STOML3: variants seen among roughly 807,000 people sequenced by gnomAD.
The protein encoded by STOML3 is stomatin-like protein 3.
STOML3 carries 31 observed loss-of-function variants against 29.5 expected under a neutral mutation model. The ratio of observed to expected loss-of-function variants is 1.05; its 90% CI spans 0.79 to 1.42. The LOEUF is 1.42. Among genes scored for constraint, STOML3 ranks in the 40% most tolerant of loss-of-function variants. The pLI is 0.00. For synonymous variants in STOML3, 122 were observed against 139.8 expected, an observed-to-expected ratio of 0.87 and a Z score of 0.90; for missense variants, 380 against 363.0, an observed-to-expected ratio of 1.05 and a Z score of -0.38.
Position 38,966,730 on chromosome 13 carries a change from G to A in STOML3, c.*95C>T, listed in dbSNP as rs908281619. 10 of 1,009,908 alleles carry A rather than the reference G, an allele frequency of 9.9e-6. No homozygotes were observed. Among genetic ancestry groups the A allele is most frequent in the Non-Finnish European group, 1.4e-5 (9 of 658,180 alleles). 62.6% of individuals were successfully genotyped at this position (1,009,908 alleles called of 1,614,324 possible). On this transcript the variant is annotated 3_prime_UTR_variant, in exon 7 of 7. Coordinates refer to ENST00000379631, the MANE Select transcript of STOML3 (RefSeq NM_145286.3). ...TCCATCTATGGAGTTACTGTTACATGAACAGTGTTGGAATTCTCACCGTTT... is the reference window on the plus strand; with the variant it reads ...TCCATCTATGGAGTTACTGTTACATAAACAGTGTTGGAATTCTCACCGTTT...
At chr13:38,977,480 AC>A (rs1388052990) in intron 1 of STOML3, among the ~76,000 whole-genome samples, 1 of 152,194 alleles carries the variant, frequency 6.6e-6, no homozygotes, top group African/African-American at 2.4e-5. Flanking sequence ...CAGGTATTCT[AC>A]TTTTATTCCC....
chr13:38,972,633 G>C, intron 3 of STOML3, 39 bp from the exon 4 acceptor site: 1 of 1,578,612 alleles, frequency 6.3e-7, no homozygotes. Flanking sequence ...TTGCTCTGTT[G>C]AAAATAACTA....
intron 1 of STOML3, among the ~76,000 whole-genome samples, chr13:38,983,035 C>T (rs1333787253): frequency 6.6e-6 from 1 of 151,994 alleles, no homozygotes; most frequent in Non-Finnish European, 1.5e-5. Flanking sequence ...TTCCCCTATC[C>T]CTCTGTTACA....
chr13:38,978,147 T>C (rs1881154086), intron 1 of STOML3, among the ~76,000 whole-genome samples: 1 of 151,362 alleles, frequency 6.6e-6, no homozygotes, highest in Non-Finnish European at 1.5e-5. Flanking sequence ...CCTTTAATTA[T>C]TTTTACTTTT....
chr13:38,972,402 A>G, intron 4 of STOML3, 110 bp downstream of exon 4: 1 of 1,038,246 alleles, frequency 9.6e-7, no homozygotes, highest in Non-Finnish European at 1.4e-6. Context: ...GCGGGTACTC[A>G]GCTCATCTTC....
At position 38,977,750 on chromosome 13, in the gene STOML3, A is replaced by ATTTTTTTTTTTTTTTTTTT. The variant is rs397851686; in HGVS notation, c.53-972_53-954dup. On this transcript the variant is annotated intron_variant, in intron 1 of 6. Transcript: ENST00000379631. Reference sequence around the variant, plus strand: ...ATTATATAATTTCTGAAGTCTCCGGATTTTTTTTTTTTTTTTTTTTTTTTT... The same window carrying ATTTTTTTTTTTTTTTTTTT: ...ATTATATAATTTCTGAAGTCTCCGGATTTTTTTTTTTTTTTTTTTTTTTTTTTTTTTTTTTTTTTTTTTT... 2.1e-3 allele frequency among the ~76,000 whole-genome samples: 173 copies of ATTTTTTTTTTTTTTTTTTT among 84,232 alleles called. 13 individuals carry two copies. The highest frequency in any genetic ancestry group is 3.1e-3 in the Non-Finnish European group (134 of 43,514). The allele number at this position is 84,232 out of a possible 152,430, so 55.3% of individuals were successfully genotyped here.
chr13:38,969,384 C>T (rs1334569765), intron 5 of STOML3, among the ~76,000 whole-genome samples: 1 of 152,154 alleles, frequency 6.6e-6, no homozygotes, highest in Non-Finnish European at 1.5e-5. Context: ...GATACTGAGA[C>T]CTCACAAGAA....
chr13:38,971,807 C>T (rs1282267001), intron 4 of STOML3, among the ~76,000 whole-genome samples: 1 of 152,076 alleles, frequency 6.6e-6, no homozygotes, highest in Non-Finnish European at 1.5e-5. Flanking sequence ...CACCTGTAAT[C>T]CCAGCTACTT....
chr13:38,969,627 A>G (rs1001026072), intron 5 of STOML3, among the ~76,000 whole-genome samples: 18 of 152,320 alleles, frequency 1.2e-4, no homozygotes, highest in Admixed American at 1.1e-3. Context: ...CTAAGAAAAT[A>G]CAGAAGTATT....
chr13:38,990,296 G>A (rs1868948946), intron 1 of STOML3, among the ~76,000 whole-genome samples: 1 of 152,066 alleles, frequency 6.6e-6, no homozygotes. Context: ...GAAATACAAA[G>A]ATAAACACCA....
chr13:38,975,305 A>G (rs958482205), intron 3 of STOML3, among the ~76,000 whole-genome samples: 1 of 147,930 alleles, frequency 6.8e-6, no homozygotes, highest in Non-Finnish European at 1.5e-5. Context: ...TGGGCGACAG[A>G]GCGAGACTCT....
intron 6 of STOML3, among the ~76,000 whole-genome samples, chr13:38,967,558 T>A (rs1408159401): frequency 6.6e-6 from 1 of 152,322 alleles, no homozygotes; most frequent in East Asian, 1.9e-4. Flanking sequence ...GCCAGCCTTG[T>A]AACACTGGCA....
At chr13:38,983,227 C>T (rs1045474731) in intron 1 of STOML3, among the ~76,000 whole-genome samples, 1 of 152,154 alleles carries the variant, frequency 6.6e-6, no homozygotes, top group Non-Finnish European at 1.5e-5. Context: ...TATGACCTCC[C>T]CCTCAGGGAT....
At position 38,966,933 on chromosome 13, in the gene STOML3, T is replaced by C. The variant is rs753280883; in HGVS notation, c.768A>G (p.Val256=). ...QLRYLQTLST[V]ATEKNSTIVF... is the part of the protein sequence containing the mutation. ...CAATCGTAGAATTCTTCTCGGTGGC[T>C]ACCGTGCTCAAGGTCTGCAGGTAGC... The change falls in exon 7 of 7, where the codon GTA becomes GTG. Residue 256 remains valine (V), a synonymous_variant. Coordinates refer to ENST00000379631, the MANE Select transcript of STOML3 (RefSeq NM_145286.3). 4.0e-5 allele frequency: 65 copies of C among 1,613,376 alleles called. No homozygotes were observed. In the Middle Eastern group the frequency reaches 6.6e-4, roughly 16 times the overall value.
At chr13:38,988,249 A>G (rs1306228151) in intron 1 of STOML3, among the ~76,000 whole-genome samples, 6 of 87,990 alleles carry the variant, frequency 6.8e-5, no homozygotes, top group African/African-American at 3.3e-4. Context: ...TATATAATAT[A>G]TTATATTTTA....
chr13:38,968,607 A>AC, intron 5 of STOML3, 73 bp from the exon 6 acceptor site: 4 of 1,545,908 alleles, frequency 2.6e-6, no homozygotes, highest in South Asian at 1.2e-5. Flanking sequence ...TATGTTTTAT[A>AC]CTTTCAAGAT....
chr13:38,976,891 C>T, intron 1 of STOML3, 94 bp from the exon 2 acceptor site: 1 of 1,049,190 alleles, frequency 9.5e-7, no homozygotes, highest in East Asian at 2.6e-5. Context: ...GACAGCTGGC[C>T]AAGCCTGATG....
At chr13:38,970,848 T>C (rs558297402) in intron 4 of STOML3, among the ~76,000 whole-genome samples, 2 of 152,138 alleles carry the variant, frequency 1.3e-5, no homozygotes, top group African/African-American at 2.4e-5. Context: ...TAAAGAAAAA[T>C]CGATTTCGCT....
chr13:38,975,489 G>A (rs923131292), intron 3 of STOML3, among the ~76,000 whole-genome samples: 27 of 151,976 alleles, frequency 1.8e-4, no homozygotes, highest in African/African-American at 5.3e-4. Flanking sequence ...TTCCTACCCC[G>A]AGACCTTCCA....
Sources: gnomAD v4.1 joint callset for allele counts (sites outside exome capture counted in the v4.1 genomes callset) on GRCh38, gnomAD v4.1.1 for gene constraint, MANE v1.5 for transcripts, NCBI Gene and HGNC (gene_info 2026-07-23, HGNC 2026-07-21) for gene names.